Variants in EML6 observed in about 807,000 individuals in gnomAD.
The protein encoded by EML6 is EMAP like 6.
Under a neutral mutation model 240.1 loss-of-function variants are expected in EML6, and 154 were observed. That is an observed-to-expected ratio of 0.64 (90% CI 0.56 to 0.73). The LOEUF (loss-of-function observed/expected upper bound fraction) is 0.73. Ranked by LOEUF, EML6 falls within the 30% of genes least tolerant of loss-of-function variation. The pLI is 0.00. For synonymous variants in EML6, 1,148 were observed against 899.0 expected, an observed-to-expected ratio of 1.28 and a Z score of -4.95; for missense variants, 2,964 against 2,474.6, an observed-to-expected ratio of 1.20 and a Z score of -4.20.
At chr2:54,887,695 C>T (rs1672226186) in intron 17 of EML6, among the ~76,000 whole-genome samples, 2 of 152,014 alleles carry the variant, frequency 1.3e-5, no homozygotes, top group Non-Finnish European at 2.9e-5. Context: ...GGAACAGGTC[C>T]AGCTTTCTGT....
At chr2:54,948,527 G>C (rs950926082) in intron 28 of EML6, among the ~76,000 whole-genome samples, 1 of 152,176 alleles carries the variant, frequency 6.6e-6, no homozygotes, top group South Asian at 2.1e-4. Context: ...GTGGCCTCCC[G>C]CCCCTCATGG....
chr2:54,942,702 A>T (rs1407649333), intron 28 of EML6, among the ~76,000 whole-genome samples: 2 of 152,104 alleles, frequency 1.3e-5, no homozygotes, highest in Non-Finnish European at 2.9e-5. Context: ...AATTCAGCTC[A>T]TGGTCAACTG....
At chr2:54,931,159 G>A (rs1032489321) in intron 28 of EML6, among the ~76,000 whole-genome samples, 5 of 151,578 alleles carry the variant, frequency 3.3e-5, no homozygotes, top group Non-Finnish European at 5.9e-5. Context: ...GGGTTTCACC[G>A]TGTTAGCCAG....
chr2:54,796,033 A>G (rs1398378841), intron 2 of EML6, among the ~76,000 whole-genome samples: 1 of 152,178 alleles, frequency 6.6e-6, no homozygotes, highest in East Asian at 1.9e-4. Flanking sequence ...TGAATACGAG[A>G]TAAAATTACA....
At chr2:54,839,581 T>A (rs1669332877) in intron 7 of EML6, among the ~76,000 whole-genome samples, 1 of 152,242 alleles carries the variant, frequency 6.6e-6, no homozygotes, top group Non-Finnish European at 1.5e-5. Flanking sequence ...CTTCCACCCA[T>A]GTGTAGCCAG....
At chr2:54,910,903 A>G in intron 24 of EML6, 51 bp from the exon 25 acceptor site, 1 of 894,432 alleles carries the variant, frequency 1.1e-6, no homozygotes, top group Non-Finnish European at 1.8e-6. Flanking sequence ...TTTATAATAA[A>G]GAGATAAAGT....
intron 7 of EML6, among the ~76,000 whole-genome samples, chr2:54,835,732 T>C (rs560941624): frequency 7.9e-5 from 12 of 152,270 alleles, no homozygotes; most frequent in Admixed American, 5.9e-4. Flanking sequence ...CATTTGGCAG[T>C]GTCTGGAGAC....
intron 17 of EML6, among the ~76,000 whole-genome samples, chr2:54,886,157 CTTCTT>C (rs766695866): frequency 0.14 from 15,789 of 114,532 alleles, 1,224 homozygotes; most frequent in South Asian, 0.26. Context: ...TTTTTTTAAC[CTTCTT>C]TTTTTTTTTT....
chr2:54,869,107 T>C, intron 14 of EML6, 74 bp from the exon 15 acceptor site: 1 of 974,672 alleles, frequency 1.0e-6, no homozygotes, highest in Non-Finnish European at 1.5e-6. Flanking sequence ...ATGTTAGCCT[T>C]GCCTCTGACA....
At chr2:54,790,908 G>A (rs1045695170) in intron 2 of EML6, among the ~76,000 whole-genome samples, 6 of 151,692 alleles carry the variant, frequency 4.0e-5, no homozygotes, top group African/African-American at 1.5e-4. Context: ...TGTATTTTTA[G>A]TAGAGACGGG....
chr2:54,903,212 G>A lies in EML6; in HGVS notation c.3277+16G>A. ...TTTTCAAAAGGTGAAGATGACAGCA[G>A]ATACTTTTTAAAATAGCACAGTCTT... On this transcript the variant is annotated intron_variant, in intron 23 of 41. Transcript: ENST00000356458. 2 of 1,549,546 alleles carry A rather than the reference G, an allele frequency of 1.3e-6. No homozygotes were observed. Among genetic ancestry groups the A allele is most frequent in the Non-Finnish European group, 1.7e-6 (2 of 1,145,424 alleles).
intron 26 of EML6, among the ~76,000 whole-genome samples, chr2:54,917,580 C>G (rs924646055): frequency 4.2e-4 from 64 of 152,234 alleles, no homozygotes; most frequent in African/African-American, 1.2e-3. Context: ...CCAGGCTGGT[C>G]TTGAACTCCT....
intron 10 of EML6, 32 bp from the exon 11 acceptor site, chr2:54,853,611 T>C: frequency 7.8e-7 from 1 of 1,280,444 alleles, no homozygotes; most frequent in Non-Finnish European, 1.1e-6. Context: ...AACTTTTTAT[T>C]TAAATGTAAT....
At chr2:54,933,316 C>A (rs1051502082) in intron 28 of EML6, among the ~76,000 whole-genome samples, 1 of 152,186 alleles carries the variant, frequency 6.6e-6, no homozygotes, top group Non-Finnish European at 1.5e-5. Context: ...GCAATGTAAT[C>A]ACTTCACCTC....
chr2:54,802,584 C>T (rs983685787), intron 2 of EML6, among the ~76,000 whole-genome samples: 1 of 151,766 alleles, frequency 6.6e-6, no homozygotes, highest in African/African-American at 2.4e-5. Context: ...TGCCACTGCA[C>T]TTCAGCCTGG....
intron 28 of EML6, among the ~76,000 whole-genome samples, chr2:54,939,039 T>C (rs901106766): frequency 1.1e-4 from 16 of 152,364 alleles, no homozygotes; most frequent in African/African-American, 3.6e-4. Context: ...CTCTATAATC[T>C]AGAACATGCT....
chr2:54,800,356 G>A (rs1670064286), intron 2 of EML6, among the ~76,000 whole-genome samples: 2 of 152,106 alleles, frequency 1.3e-5, no homozygotes, highest in African/African-American at 4.8e-5. Flanking sequence ...ATTGGAAGGT[G>A]ATCCTCAAAT....
chr2:54,877,516 C>G (rs1671573412), intron 16 of EML6, among the ~76,000 whole-genome samples: 2 of 152,020 alleles, frequency 1.3e-5, no homozygotes. Context: ...AAAATAAAAT[C>G]AAGTGCAGAG....
At position 54,884,000 on chromosome 2, in the gene EML6, G is replaced by A. The variant is rs200990840; in HGVS notation, c.2438+4360G>A. Among the ~76,000 whole-genome samples the A allele has an allele frequency of 1.4e-4, 22 of 152,248 alleles. No individual in the cohort carries two copies. The East Asian group carries it at 4.1e-3, about 28-fold the overall frequency. ...AACAACAATCTGCACAGAGACTTCT[G>A]TGACCAAACTTGTGGGGATTTCTCC... On this transcript the variant is annotated intron_variant, in intron 17 of 41. Coordinates refer to ENST00000356458, the MANE Select transcript of EML6 (RefSeq NM_001039753.4).
Sources: allele counts gnomAD v4.1 joint callset (sites outside exome capture counted in the v4.1 genomes callset), GRCh38; gene constraint gnomAD v4.1.1; transcripts MANE v1.5; gene names NCBI Gene and HGNC (gene_info 2026-07-23, HGNC 2026-07-21).